The following EIF4B variants were observed in gnomAD, a reference collection of about 807,000 sequenced individuals.
The protein encoded by EIF4B is eukaryotic translation initiation factor 4B.
Under a neutral mutation model 79.3 loss-of-function variants are expected in EIF4B, and 8 were observed. The observed-to-expected ratio is 0.10, with a 90% CI of 0.06 to 0.18. EIF4B has a LOEUF of 0.18. EIF4B is among the 10% of genes least tolerant of loss of function. EIF4B has a pLI of 1.00. For missense variants in EIF4B, 515 were observed against 792.4 expected, an observed-to-expected ratio of 0.65 and a Z score of 4.20; for synonymous variants, 238 against 274.7, an observed-to-expected ratio of 0.87 and a Z score of 1.32.
In EIF4B at chr12:53,032,963, G is replaced by A. The variant is rs149489639; in HGVS notation, c.980-843G>A. On this transcript the variant is annotated intron_variant, in intron 8 of 14. Transcript: ENST00000262056. ...TGGGATTACAGGCGTGAGCCATTGC[G>A]CCCGGCCAGAACTTGGTTATTTATG... 6.8e-3 allele frequency among the ~76,000 whole-genome samples: 1,040 copies of A among 151,990 alleles called. 11 individuals carry two copies. The highest frequency in any genetic ancestry group is 0.024 in the African/African-American group (982 of 41,480).
rs1415197545 is a variant in EIF4B, at chr12:53,033,007, A to AT, written c.980-796dup. Among the ~76,000 whole-genome samples, 881 of 149,148 alleles carry AT rather than the reference A, an allele frequency of 5.9e-3. 9 individuals are homozygous for AT. Among genetic ancestry groups the AT allele is most frequent in the African/African-American group, 0.021 (836 of 40,536 alleles). Reference sequence around the variant, plus strand: ...ATTTATGCCACCTATTTTTATTTTTATTTATTTTTATTTATTTATTTTAGG... The same window carrying AT: ...ATTTATGCCACCTATTTTTATTTTTATTTTATTTTTATTTATTTATTTTAGG... On this transcript the variant is annotated intron_variant, in intron 8 of 14. Coordinates refer to ENST00000262056, the MANE Select transcript of EIF4B (RefSeq NM_001417.7).
At position 53,031,062 on chromosome 12, in the gene EIF4B, C is replaced by T. The variant is rs548243085; in HGVS notation, c.980-2744C>T. On this transcript the variant is annotated intron_variant, in intron 8 of 14. Coordinates refer to ENST00000262056, the MANE Select transcript of EIF4B (RefSeq NM_001417.7). ...TTGCTGCTGCTACCTTCGTTGAGGC[C>T]TCATTGCTGCACCCACGTTACTGGC... is the stretch of plus-strand genomic sequence containing the variant. 2.1e-4 allele frequency among the ~76,000 whole-genome samples: 32 copies of T among 152,240 alleles called. No homozygotes were observed. In the South Asian group the frequency reaches 6.6e-3, roughly 32 times the overall value.
intron 1 of EIF4B, among the ~76,000 whole-genome samples, chr12:53,010,596 T>C (rs1943048202): frequency 6.6e-6 from 1 of 152,182 alleles, no homozygotes; most frequent in Non-Finnish European, 1.5e-5. Flanking sequence ...TGCAATGTTG[T>C]TGGTTTAGGG....
rs534088534 is a variant in EIF4B, at chr12:53,033,638, G to A, written c.980-168G>A. On this transcript the variant is annotated intron_variant, in intron 8 of 14. Transcript: ENST00000262056. ...TTACAGGCGTGAGCCACCATGCCCA[G>A]CCTAAACTACCTGTTTTCTAATGAT... Among the ~76,000 whole-genome samples, 71 of 152,372 alleles carry A rather than the reference G, an allele frequency of 4.7e-4. No homozygotes were observed. The South Asian group carries it at 0.014, about 31-fold the overall frequency.
intron 10 of EIF4B, among the ~76,000 whole-genome samples, chr12:53,036,398 C>T (rs1015900387): frequency 2.6e-5 from 4 of 152,134 alleles, no homozygotes; most frequent in East Asian, 1.9e-4. Flanking sequence ...GGGCGTGAGC[C>T]GCCGTGCCCG....
At chr12:53,018,663 T>A in intron 2 of EIF4B, 135 bp from the exon 3 acceptor site, 1 of 861,628 alleles carries the variant, frequency 1.2e-6, no homozygotes, top group Admixed American at 2.6e-5. Flanking sequence ...CCCTTATTAC[T>A]GAACCCCCAC....
At position 53,040,218 on chromosome 12, in the gene EIF4B, G is replaced by A. The variant is rs769251802; in HGVS notation, c.1831G>A (p.Glu611Lys). 35 of 1,612,806 alleles carry A rather than the reference G, an allele frequency of 2.2e-5. No homozygotes were observed. Among genetic ancestry groups the A allele is most frequent in the Middle Eastern group, 1.7e-4 (1 of 5,920 alleles). ...EDENEGEDYA[E>K] is the part of the protein sequence containing the mutation. Reference sequence around the variant, plus strand: ...TGAAAATGAGGGAGAAGATTATGCCGAATAGACCTCTACATCCTGTGCTTT... The same window carrying A: ...TGAAAATGAGGGAGAAGATTATGCCAAATAGACCTCTACATCCTGTGCTTT... Residue 611 changes from glutamate to lysine, a missense_variant, in exon 15 of 15, where the codon GAA becomes AAA. Physicochemically the swap from Glu to Lys is moderately conservative, Grantham distance 56. Around this residue, in one of 6 missense-constraint regions of EIF4B, gnomAD observed 60 missense variants for 56.7 expected, o/e 1.06. Coordinates refer to ENST00000262056, the MANE Select transcript of EIF4B (RefSeq NM_001417.7).
intron 9 of EIF4B, among the ~76,000 whole-genome samples, 165 bp from the exon 10 acceptor site, chr12:53,034,447 T>A (rs1461476596): frequency 6.6e-6 from 1 of 152,206 alleles, no homozygotes; most frequent in East Asian, 1.9e-4. Context: ...AGGGCCAAAG[T>A]GTGTCTTAAT....
chr12:53,019,433 A>ATTTTTTTTTTTTTTTT (rs1565586158), intron 3 of EIF4B, among the ~76,000 whole-genome samples: 10 of 32,914 alleles, frequency 3.0e-4, no homozygotes, highest in Non-Finnish European at 7.5e-4. Context: ...TTATATATAT[A>ATTTTTTTTTTTTTTTT]TATATTTTTT....
rs891558864 is a variant in EIF4B, at chr12:53,027,870, T to C, written c.756T>C (p.Tyr252=). The change falls in exon 7 of 15, where the codon TAT becomes TAC. Residue 252 remains tyrosine (Y), a synonymous_variant. Transcript: ENST00000262056. Reference sequence around the variant, plus strand: ...GCCCACGCCGGGATATGGATCGATATGGTGGCCGGGATCGCTATGATGACC... The same window carrying C: ...GCCCACGCCGGGATATGGATCGATACGGTGGCCGGGATCGCTATGATGACC... ...RDGPRRDMDR[Y]GGRDRYDDRG... 8 of 1,614,120 alleles carry C rather than the reference T, an allele frequency of 5.0e-6. No individual in the cohort carries two copies. Among genetic ancestry groups the C allele is most frequent in the South Asian group, 3.3e-5 (3 of 91,094 alleles).
rs781011899 is a variant in EIF4B, at chr12:53,028,239, C to T, written c.979+51C>T. On this transcript the variant is annotated intron_variant, in intron 8 of 14. Transcript: ENST00000262056. ...CATGGAGCAGAAACTGGGAAAACTACGGAAAATTTGTGATTGTGTTACGAA... is the reference window on the plus strand; with the variant it reads ...CATGGAGCAGAAACTGGGAAAACTATGGAAAATTTGTGATTGTGTTACGAA... The T allele has an allele frequency of 2.4e-5, 37 of 1,524,168 alleles. No homozygotes were observed. In the Admixed American group the frequency reaches 3.8e-4, roughly 15 times the overall value. The allele number at this position is 1,524,168 out of a possible 1,614,324, so 94.4% of individuals were successfully genotyped here. A position where few individuals can be genotyped will look rare whatever the true frequency, so the allele number is the denominator to read the frequency against.
At chr12:53,017,201 T>C (rs1943162517) in intron 2 of EIF4B, among the ~76,000 whole-genome samples, 1 of 150,786 alleles carries the variant, frequency 6.6e-6, no homozygotes, top group South Asian at 2.1e-4. Context: ...TGCAGTGAGC[T>C]GAGATCATGC....
intron 10 of EIF4B, 97 bp downstream of exon 10, chr12:53,034,806 A>G: frequency 7.2e-7 from 1 of 1,383,150 alleles, no homozygotes; most frequent in Non-Finnish European, 1.0e-6. Context: ...AAATTCAGTC[A>G]TGAACTCTTT....
At position 53,007,315 on chromosome 12, in the gene EIF4B, A is replaced by G. The variant is rs189298258; in HGVS notation, c.13+819A>G. ...CTTCTAGGCTTTTTTCTCATACTCA[A>G]TTGGAGGCATTTTTTACTCAGCGCA... is the stretch of plus-strand genomic sequence containing the variant. On this transcript the variant is annotated intron_variant, in intron 1 of 14. Coordinates refer to ENST00000262056, the MANE Select transcript of EIF4B (RefSeq NM_001417.7). Among the ~76,000 whole-genome samples, 16 of 151,614 alleles carry G rather than the reference A, an allele frequency of 1.1e-4. No individual in the cohort carries two copies. The East Asian group carries it at 2.9e-3, about 28-fold the overall frequency.
In EIF4B at chr12:53,036,356, C is replaced by T. The variant is rs561506724; in HGVS notation, c.1307-1053C>T. ...CTCCATCTCTTGATCTTGTGATCTG[C>T]CCGCCCTGGCCTCCCAAAGTGCTGG... On this transcript the variant is annotated intron_variant, in intron 10 of 14. Transcript: ENST00000262056. Among the ~76,000 whole-genome samples the T allele has an allele frequency of 2.0e-4, 31 of 152,236 alleles. 1 individual carries two copies. Among genetic ancestry groups the T allele is most frequent in the African/African-American group, 6.5e-4 (27 of 41,530 alleles).
intron 8 of EIF4B, 40 bp from the exon 9 acceptor site, chr12:53,033,766 G>A (rs1380160734): frequency 6.5e-7 from 1 of 1,545,214 alleles, no homozygotes; most frequent in Non-Finnish European, 8.7e-7. Flanking sequence ...TCAGCTTCTG[G>A]TGATTGGAAA....
chr12:53,039,982 C>T, intron 14 of EIF4B, 161 bp from the exon 15 acceptor site: 2 of 800,962 alleles, frequency 2.5e-6, no homozygotes, highest in South Asian at 3.4e-5. Flanking sequence ...TGCCTCTGAC[C>T]CTCTTCCCTA....
At chr12:53,037,746 T>G in intron 11 of EIF4B, 124 bp downstream of exon 11, 1 of 1,062,668 alleles carries the variant, frequency 9.4e-7, no homozygotes, top group Middle Eastern at 2.3e-4. Flanking sequence ...CTGGCTTTAG[T>G]CTCTTAGTGT....
intron 2 of EIF4B, among the ~76,000 whole-genome samples, 195 bp downstream of exon 2, chr12:53,016,805 G>T: frequency 6.6e-6 from 1 of 152,202 alleles, no homozygotes; most frequent in South Asian, 2.1e-4. Context: ...GACTGAAGTG[G>T]TCATTTAAGA....
Sources: gnomAD v4.1 joint callset for allele counts (sites outside exome capture counted in the v4.1 genomes callset) on GRCh38, gnomAD v4.1.1 for gene constraint, gnomAD v4.1.1 regional missense constraint, MANE v1.5 for transcripts, NCBI Gene and HGNC (gene_info 2026-07-23, HGNC 2026-07-21) for gene names.